SND1: variants seen among roughly 807,000 people sequenced by gnomAD.
SND1 encodes staphylococcal nuclease and tudor domain containing 1.
In SND1, 38 loss-of-function variants were observed where a neutral mutation model predicts 121.7. The observed-to-expected ratio is 0.31, with a 90% CI of 0.24 to 0.41. The LOEUF (loss-of-function observed/expected upper bound fraction) is 0.41, where lower values mean the gene tolerates loss of function less well. Among genes scored for constraint, SND1 ranks in the 10% least tolerant of loss-of-function variants. The pLI, the probability that SND1 is intolerant of heterozygous loss-of-function variation, is 1.00. For synonymous variants in SND1, 401 were observed against 447.4 expected (o/e 0.90, Z 1.31); for missense variants, 868 against 1,184.6 (o/e 0.73, Z 3.92).
chr7:127,756,445 A>G (rs1797196974), intron 10 of SND1, among the ~76,000 whole-genome samples: 1 of 152,240 alleles, frequency 6.6e-6, no homozygotes, highest in Non-Finnish European at 1.5e-5. Flanking sequence ...TGTAATTAAA[A>G]TGATCACAAA....
chr7:127,694,916 G>T lies in SND1; in HGVS notation c.317G>T (p.Gly106Val), dbSNP rs1022826550. ...ACGATAGAAAACAAGACTCCCCAGG[G>T]GCGAGAGTATGGCATGATCTACCTT... Reference protein sequence around the residue: ...CFTIENKTPQGREYGMIYLGK... With the variant: ...CFTIENKTPQVREYGMIYLGK... Residue 106 changes from glycine (G) to valine (V), a missense_variant, in exon 3 of 24, where the codon GGG becomes GTG. Around this residue, in one of 2 missense-constraint regions of SND1, gnomAD observed 743 missense variants for 1,071.3 expected, o/e 0.69. Coordinates refer to ENST00000354725, the MANE Select transcript of SND1 (RefSeq NM_014390.4). The T allele has an allele frequency of 6.2e-7, 1 of 1,613,762 alleles. No homozygotes were observed. The highest frequency in any genetic ancestry group is 8.5e-7 in the Non-Finnish European group (1 of 1,179,860).
intron 16 of SND1, among the ~76,000 whole-genome samples, chr7:128,023,567 G>T (rs903991217): frequency 3.9e-5 from 6 of 152,186 alleles, no homozygotes; most frequent in Non-Finnish European, 8.8e-5. Context: ...CAGCTATAGT[G>T]CTGGTGTAGG....
intron 15 of SND1, among the ~76,000 whole-genome samples, chr7:127,983,698 A>G (rs576781704): frequency 2.0e-5 from 3 of 152,224 alleles, no homozygotes; most frequent in East Asian, 3.9e-4. Flanking sequence ...TGAATATTCA[A>G]TATTCAATAA....
At chr7:128,014,449 G>A (rs1248311406) in intron 16 of SND1, among the ~76,000 whole-genome samples, 1 of 152,336 alleles carries the variant, frequency 6.6e-6, no homozygotes, top group African/African-American at 2.4e-5. Flanking sequence ...CTGGCGCTGA[G>A]AAGCACTGTC....
At chr7:127,823,505 A>T (rs1207315363) in intron 11 of SND1, among the ~76,000 whole-genome samples, 1 of 152,182 alleles carries the variant, frequency 6.6e-6, no homozygotes, top group African/African-American at 2.4e-5. Flanking sequence ...ACCCAAAAGA[A>T]ACTAAAGAAA....
chr7:127,992,342 A>G (rs1262297658), intron 16 of SND1, among the ~76,000 whole-genome samples: 1 of 152,214 alleles, frequency 6.6e-6, no homozygotes, highest in Non-Finnish European at 1.5e-5. Context: ...AAGTATTTCA[A>G]AAATCCAAAC....
chr7:127,906,485 G>C (rs1436365771), intron 14 of SND1, among the ~76,000 whole-genome samples: 1 of 152,086 alleles, frequency 6.6e-6, no homozygotes, highest in Non-Finnish European at 1.5e-5. Context: ...TAATAAAAGG[G>C]CAAATTTTTG....
intron 21 of SND1, among the ~76,000 whole-genome samples, chr7:128,088,780 A>G (rs1276825864): frequency 6.6e-6 from 1 of 151,538 alleles, no homozygotes; most frequent in Non-Finnish European, 1.5e-5. Context: ...AAAAAAAAAA[A>G]GACAGAGACA....
Position 128,029,164 on chromosome 7 carries a change from C to G in SND1, c.1779+38108C>G, listed in dbSNP as rs1481748327. On this transcript the variant is annotated intron_variant, in intron 16 of 23. Transcript: ENST00000354725. This position sits in a 1 kb window ranked among gnomAD's most constrained non-coding sequence, Gnocchi z 4.2. ...GGCACACGGGTAGTCTGAATGAGCA[C>G]CGTGGTAGAGGTGGTATATGCCGGC... 1.2e-6 allele frequency: 2 copies of G among 1,613,862 alleles called. No individual in the cohort carries two copies. The highest frequency in any genetic ancestry group is 2.2e-5 in the East Asian group (1 of 44,888).
intron 16 of SND1, among the ~76,000 whole-genome samples, chr7:127,996,751 C>T (rs1378300392): frequency 6.6e-6 from 1 of 152,200 alleles, no homozygotes; most frequent in Non-Finnish European, 1.5e-5. Flanking sequence ...TTTCACAAAG[C>T]CCCCTTATTC....
At chr7:127,985,052 C>A (rs559955436) in intron 15 of SND1, among the ~76,000 whole-genome samples, 1 of 152,330 alleles carries the variant, frequency 6.6e-6, no homozygotes, top group African/African-American at 2.4e-5. Context: ...CTATTGCTGG[C>A]CTGACTGCAC....
At chr7:127,899,379 G>C (rs1156930283) in intron 13 of SND1, among the ~76,000 whole-genome samples, 1 of 152,124 alleles carries the variant, frequency 6.6e-6, no homozygotes, top group Non-Finnish European at 1.5e-5. Flanking sequence ...TACGATTGTA[G>C]TGAGGTTGTG....
intron 18 of SND1, among the ~76,000 whole-genome samples, chr7:128,084,319 A>C (rs1244356634): frequency 1.3e-5 from 2 of 152,178 alleles, no homozygotes; most frequent in Non-Finnish European, 2.9e-5. Flanking sequence ...GCCTTGCAGG[A>C]ATGGGGTACG....
chr7:127,688,194 T>C (rs1795850198), intron 2 of SND1, among the ~76,000 whole-genome samples: 1 of 152,136 alleles, frequency 6.6e-6, no homozygotes, highest in Non-Finnish European at 1.5e-5. Context: ...TTTGAGAACC[T>C]TCTGTGCCTA....
intron 10 of SND1, among the ~76,000 whole-genome samples, chr7:127,794,183 ATATT>A (rs1481637415): frequency 1.3e-5 from 2 of 152,210 alleles, no homozygotes; most frequent in African/African-American, 4.8e-5. Flanking sequence ...ATTTTACTGA[ATATT>A]TATGCACAGG....
intron 10 of SND1, among the ~76,000 whole-genome samples, chr7:127,786,273 C>T (rs370505405): frequency 2.6e-5 from 4 of 152,146 alleles, no homozygotes; most frequent in South Asian, 2.1e-4. Flanking sequence ...TTAAATTGAT[C>T]GCTATGTATT....
chr7:127,664,088 C>A (rs968465223), intron 1 of SND1, among the ~76,000 whole-genome samples: 2 of 152,136 alleles, frequency 1.3e-5, no homozygotes, highest in African/African-American at 4.8e-5. Flanking sequence ...TGCAGTGGTG[C>A]GACCACAACT....
chr7:128,001,172 G>A (rs987731985), intron 16 of SND1, among the ~76,000 whole-genome samples: 3 of 152,224 alleles, frequency 2.0e-5, no homozygotes, highest in Non-Finnish European at 4.4e-5. Flanking sequence ...ATGCTGCGGT[G>A]CATGAAATAA....
intron 15 of SND1, among the ~76,000 whole-genome samples, chr7:127,982,231 ATTGTGAAGAC>A (rs1474506497): frequency 1.3e-5 from 2 of 152,186 alleles, no homozygotes; most frequent in Non-Finnish European, 2.9e-5. Context: ...TTTCCATTGC[ATTGTGAAGAC>A]TTGGTTTTCT....
Sources: gnomAD v4.1 joint callset for allele counts (sites outside exome capture counted in the v4.1 genomes callset) on GRCh38, gnomAD v4.1.1 for gene constraint, gnomAD v4.1.1 regional missense constraint, Gnocchi (gnomAD v3.1) non-coding constraint, MANE v1.5 for transcripts, NCBI Gene and HGNC (gene_info 2026-07-23, HGNC 2026-07-21) for gene names.